The following MAST4 variants were observed in gnomAD, a reference collection of about 807,000 sequenced individuals.
MAST4 encodes microtubule associated serine/threonine kinase family member 4.
MAST4 carries 89 observed loss-of-function variants against 162.7 expected under a neutral mutation model. The ratio of observed to expected loss-of-function variants is 0.55; its 90% CI spans 0.46 to 0.65. The LOEUF (loss-of-function observed/expected upper bound fraction) is 0.65. MAST4 is among the 30% of genes least tolerant of loss of function. The pLI is 0.00. For synonymous variants in MAST4, 1,479 were observed against 1,361.1 expected, an observed-to-expected ratio of 1.09 and a Z score of -1.91; for missense variants, 3,153 against 3,374.0, an observed-to-expected ratio of 0.93 and a Z score of 1.62.
At chr5:66,684,223 T>C (rs546191392) in intron 1 of MAST4, among the ~76,000 whole-genome samples, 6 of 152,338 alleles carry the variant, frequency 3.9e-5, no homozygotes, top group African/African-American at 1.4e-4. Context: ...CAGATCTAAC[T>C]GGCCCTCTCC....
At chr5:67,051,548 A>G (rs757511210) in intron 4 of MAST4, among the ~76,000 whole-genome samples, 1 of 152,166 alleles carries the variant, frequency 6.6e-6, no homozygotes, top group Non-Finnish European at 1.5e-5. Flanking sequence ...ATTGGGAATC[A>G]GGTACTTAGA....
intron 4 of MAST4, among the ~76,000 whole-genome samples, chr5:66,969,218 C>T (rs1747128962): frequency 6.6e-6 from 1 of 152,130 alleles, no homozygotes; most frequent in Non-Finnish European, 1.5e-5. Context: ...CTGCCATTCT[C>T]CATTTCAGCA....
chr5:66,821,550 T>C (rs949308371), intron 3 of MAST4, among the ~76,000 whole-genome samples: 2 of 152,214 alleles, frequency 1.3e-5, no homozygotes, highest in Non-Finnish European at 2.9e-5. Context: ...ATAGTAAATA[T>C]TCCTAAAGAG....
intron 3 of MAST4, among the ~76,000 whole-genome samples, chr5:66,789,323 T>A (rs1234838795): frequency 6.6e-6 from 1 of 152,190 alleles, no homozygotes; most frequent in Non-Finnish European, 1.5e-5. Flanking sequence ...ACAGTCCAGT[T>A]ATCTACTCTG....
chr5:66,915,266 C>CAAAAAAAA (rs70987147), intron 4 of MAST4, among the ~76,000 whole-genome samples: 2 of 83,626 alleles, frequency 2.4e-5, no homozygotes, highest in Non-Finnish European at 5.0e-5. Context: ...ACTCTTGTCT[C>CAAAAAAAA]AAAAAAAAAA....
chr5:66,648,077 T>TGAGAGAGAGAGA (rs1347864859), intron 1 of MAST4, among the ~76,000 whole-genome samples: 1 of 99,000 alleles, frequency 1.0e-5, no homozygotes, highest in African/African-American at 4.7e-5. Context: ...TGTGTGTGTG[T>TGAGAGAGAGAGA]GTGTGTGAGA....
chr5:66,982,059 T>C (rs1005660873), intron 4 of MAST4, among the ~76,000 whole-genome samples: 3 of 152,238 alleles, frequency 2.0e-5, no homozygotes, highest in Admixed American at 2.0e-4. Flanking sequence ...ATGATGTTAT[T>C]CTTATTTTAA....
chr5:66,663,648 C>T (rs536213911), intron 1 of MAST4, among the ~76,000 whole-genome samples: 2 of 152,210 alleles, frequency 1.3e-5, no homozygotes, highest in South Asian at 4.2e-4. Flanking sequence ...GTTCAAGGAA[C>T]AGCAGTGGAA....
At chr5:66,708,462 A>G (rs943422412) in intron 1 of MAST4, among the ~76,000 whole-genome samples, 1 of 152,228 alleles carries the variant, frequency 6.6e-6, no homozygotes, top group Non-Finnish European at 1.5e-5. Flanking sequence ...GGAGCCCATC[A>G]TACCTAACAG....
intron 1 of MAST4, among the ~76,000 whole-genome samples, chr5:66,612,307 C>T (rs766119293): frequency 1.3e-5 from 2 of 152,108 alleles, no homozygotes; most frequent in Non-Finnish European, 2.9e-5. Context: ...AATGTAGGGT[C>T]CTGGAGAGCA....
intron 23 of MAST4, among the ~76,000 whole-genome samples, chr5:67,145,999 G>A (rs1771037645): frequency 6.6e-6 from 1 of 152,196 alleles, no homozygotes; most frequent in Non-Finnish European, 1.5e-5. Flanking sequence ...GACTAAGGAG[G>A]GGAAAGGGGA....
chr5:66,714,736 A>G (rs1417764819), intron 1 of MAST4, among the ~76,000 whole-genome samples: 1 of 152,198 alleles, frequency 6.6e-6, no homozygotes, highest in Non-Finnish European at 1.5e-5. Flanking sequence ...CTTTTTGGAT[A>G]ATGAATTGTT....
intron 3 of MAST4, among the ~76,000 whole-genome samples, chr5:66,870,291 T>G (rs909455306): frequency 6.6e-6 from 1 of 152,200 alleles, no homozygotes; most frequent in Non-Finnish European, 1.5e-5. Context: ...CAGGAGCTTC[T>G]GAGGCAGGCG....
chr5:66,963,268 C>A (rs1581030325), intron 4 of MAST4, among the ~76,000 whole-genome samples: 1 of 152,250 alleles, frequency 6.6e-6, no homozygotes, highest in East Asian at 1.9e-4. Context: ...TTTTTCCTTG[C>A]AAAAGTGCTT....
intron 2 of MAST4, among the ~76,000 whole-genome samples, chr5:66,779,080 G>A (rs1363769947): frequency 6.6e-6 from 1 of 152,168 alleles, no homozygotes; most frequent in Non-Finnish European, 1.5e-5. Context: ...ATGTTGTGTT[G>A]GCATTCTATG....
intron 3 of MAST4, among the ~76,000 whole-genome samples, chr5:66,837,883 TATATA>T (rs1400406761): frequency 1.9e-4 from 10 of 53,762 alleles, no homozygotes; most frequent in African/African-American, 9.5e-4. Context: ...TATATATATA[TATATA>T]TATATATTTT....
chr5:66,784,909 G>T (rs1755042472), intron 2 of MAST4, among the ~76,000 whole-genome samples: 1 of 152,198 alleles, frequency 6.6e-6, no homozygotes, highest in African/African-American at 2.4e-5. Flanking sequence ...TCAACTGCAT[G>T]TGACTGTAAA....
chr5:66,756,483 C>T (rs1333766500), intron 1 of MAST4, among the ~76,000 whole-genome samples: 2 of 152,152 alleles, frequency 1.3e-5, no homozygotes, highest in Non-Finnish European at 2.9e-5. Context: ...TCAAGACAGC[C>T]TCTGTCTTTA....
intron 2 of MAST4, among the ~76,000 whole-genome samples, chr5:66,765,779 G>C (rs904582623): frequency 1.3e-5 from 2 of 151,894 alleles, no homozygotes; most frequent in African/African-American, 4.8e-5. Flanking sequence ...TGATTGAAAT[G>C]TTTGCATTTT....
Sources: allele counts gnomAD v4.1 joint callset (sites outside exome capture counted in the v4.1 genomes callset), GRCh38; gene constraint gnomAD v4.1.1; transcripts MANE v1.5; gene names NCBI Gene and HGNC (gene_info 2026-07-23, HGNC 2026-07-21).